PRKCH: variants seen among roughly 807,000 people sequenced by gnomAD.
PRKCH encodes the protein protein kinase C eta.
In PRKCH, 28 loss-of-function variants were observed where a neutral mutation model predicts 82.5. The observed-to-expected ratio is 0.34, with a 90% CI of 0.25 to 0.47. PRKCH has a LOEUF of 0.47. Among genes scored for constraint, PRKCH ranks in the 20% least tolerant of loss-of-function variants. The pLI is 1.00. For synonymous variants in PRKCH, 322 were observed against 327.4 expected (o/e 0.98, Z 0.18); for missense variants, 705 against 881.8 (o/e 0.80, Z 2.54).
intron 1 of PRKCH, among the ~76,000 whole-genome samples, chr14:61,390,204 C>G (rs1354774860): frequency 1.3e-5 from 2 of 152,132 alleles, no homozygotes; most frequent in Admixed American, 1.3e-4. Context: ...CAGAACAGAG[C>G]CAGAGGTGCT....
intron 1 of PRKCH, among the ~76,000 whole-genome samples, chr14:61,346,944 T>G (rs1162694569): frequency 6.6e-6 from 1 of 151,844 alleles, no homozygotes; most frequent in Non-Finnish European, 1.5e-5. Flanking sequence ...TAGCTAATGA[T>G]GTTGATGTCC....
chr14:61,194,153 A>G (rs1355159265), intron 1 of PRKCH, among the ~76,000 whole-genome samples: 1 of 152,084 alleles, frequency 6.6e-6, no homozygotes, highest in African/African-American at 2.4e-5. Context: ...TTCTTTAGTT[A>G]TTCTTTTGTG....
intron 1 of PRKCH, among the ~76,000 whole-genome samples, chr14:61,191,446 G>A (rs2140032487): frequency 6.6e-6 from 1 of 152,332 alleles, no homozygotes; most frequent in East Asian, 1.9e-4. Context: ...GCTGAGGTGG[G>A]CGGATCACTT....
intron 1 of PRKCH, chr14:61,326,992 A>G (rs1455302435): frequency 2.2e-6 from 1 of 454,094 alleles, no homozygotes; most frequent in African/African-American, 2.0e-5. Flanking sequence ...TCTAATGCTT[A>G]ATGCAGAGTG....
At chr14:61,236,639 G>T (rs187146521) in intron 1 of PRKCH, among the ~76,000 whole-genome samples, 1 of 150,594 alleles carries the variant, frequency 6.6e-6, no homozygotes, top group Non-Finnish European at 1.5e-5. Flanking sequence ...CCTGGGAGGG[G>T]GAGGTTGCAG....
chr14:61,486,412 A>AT (rs1195110992), intron 10 of PRKCH, among the ~76,000 whole-genome samples: 1 of 152,156 alleles, frequency 6.6e-6, no homozygotes, highest in Admixed American at 6.5e-5. Context: ...TTGATTCTCC[A>AT]TTTTGTGACA....
intron 2 of PRKCH, among the ~76,000 whole-genome samples, chr14:61,420,055 G>A (rs1040913946): frequency 6.6e-6 from 1 of 152,198 alleles, no homozygotes; most frequent in African/African-American, 2.4e-5. Context: ...GCATTCCGTG[G>A]TGAGTGGGCC....
Position 61,322,229 on chromosome 14 carries a change from C to T in PRKCH, c.128C>T (p.Pro43Leu). 6.2e-7 allele frequency: 1 copy of T among 1,613,444 alleles called. No homozygotes were observed. Among genetic ancestry groups the T allele is most frequent in the East Asian group, 2.2e-5 (1 of 44,726 alleles). The change falls in exon 1 of 14, where the codon CCC (proline) becomes CTC (leucine). Residue 43 changes from proline to leucine, a missense_variant. Physicochemically the swap from Pro to Leu is moderately conservative, Grantham distance 98 (BLOSUM62 -3). Around this residue, in one of 5 missense-constraint regions of PRKCH, gnomAD observed 246 missense variants for 308.0 expected, o/e 0.80. Transcript: ENST00000332981. ...AAGAAGGGCCACCAGCTGCTGGACC[C>T]CTATCTGACGGTGAGCGTGGACCAG... ...LFKKGHQLLD[P>L]YLTVSVDQVR...
intron 9 of PRKCH, among the ~76,000 whole-genome samples, chr14:61,483,605 C>T (rs1474743280): frequency 6.6e-6 from 1 of 152,080 alleles, no homozygotes; most frequent in Non-Finnish European, 1.5e-5. Context: ...GGTCATAAGC[C>T]GTGCTTCCTT....
chr14:61,509,412 C>T (rs1416236966), intron 10 of PRKCH, among the ~76,000 whole-genome samples: 1 of 152,086 alleles, frequency 6.6e-6, no homozygotes, highest in African/African-American at 2.4e-5. Context: ...TTCAACAGGT[C>T]CTGGGCATCT....
At chr14:61,368,359 GC>G (rs2046325160) in intron 1 of PRKCH, among the ~76,000 whole-genome samples, 1 of 151,356 alleles carries the variant, frequency 6.6e-6, no homozygotes, top group South Asian at 2.1e-4. Flanking sequence ...AGATGATCTT[GC>G]CTTTGAGCCT....
At chr14:61,216,932 G>A (rs2044620236) in intron 1 of PRKCH, among the ~76,000 whole-genome samples, 1 of 152,160 alleles carries the variant, frequency 6.6e-6, no homozygotes, top group Admixed American at 6.6e-5. Context: ...GGAATATTAT[G>A]GCCAGGGCTG....
intron 1 of PRKCH, among the ~76,000 whole-genome samples, chr14:61,346,495 A>T (rs1207564404): frequency 6.6e-6 from 1 of 151,952 alleles, no homozygotes; most frequent in African/African-American, 2.4e-5. Flanking sequence ...TTCCCTTTTG[A>T]TTTTTTCAAA....
chr14:61,443,036 A>G (rs1884050782), intron 2 of PRKCH, 75 bp from the exon 3 acceptor site: 20 of 1,420,724 alleles, frequency 1.4e-5, no homozygotes, highest in Non-Finnish European at 1.8e-5. Flanking sequence ...CACTTGAACT[A>G]TCAAACTTTC....
intron 1 of PRKCH, among the ~76,000 whole-genome samples, chr14:61,343,939 T>G (rs1225721138): frequency 1.3e-5 from 2 of 152,244 alleles, no homozygotes; most frequent in African/African-American, 4.8e-5. Flanking sequence ...ATGTTTATGC[T>G]GCACAAGGCC....
At chr14:61,472,060 T>G (rs1885529436) in intron 9 of PRKCH, among the ~76,000 whole-genome samples, 2 of 152,116 alleles carry the variant, frequency 1.3e-5, no homozygotes, top group Non-Finnish European at 2.9e-5. Context: ...ACAGTGGCAT[T>G]GTTAGGGATG....
chr14:61,200,283 T>C (rs1371610834), intron 1 of PRKCH, among the ~76,000 whole-genome samples: 2 of 152,122 alleles, frequency 1.3e-5, no homozygotes, highest in Non-Finnish European at 2.9e-5. Context: ...AATGTCAGGG[T>C]TGGAAAAGTC....
chr14:61,249,910 C>G (rs543826529), intron 1 of PRKCH, among the ~76,000 whole-genome samples: 68 of 151,656 alleles, frequency 4.5e-4, no homozygotes, highest in Non-Finnish European at 8.0e-4. Flanking sequence ...TGAGCCACCA[C>G]GCTTGGCCCA....
At chr14:61,423,156 T>A (rs1364212050) in intron 2 of PRKCH, among the ~76,000 whole-genome samples, 4 of 152,168 alleles carry the variant, frequency 2.6e-5, no homozygotes, top group Non-Finnish European at 5.9e-5. Flanking sequence ...AGATGGCCTT[T>A]GAAAAGCAGG....
Sources: allele counts gnomAD v4.1 joint callset (sites outside exome capture counted in the v4.1 genomes callset), GRCh38; gene constraint gnomAD v4.1.1; regional missense constraint gnomAD v4.1.1; transcripts MANE v1.5; gene names NCBI Gene and HGNC (gene_info 2026-07-23, HGNC 2026-07-21).